SRSF3: variants seen among roughly 807,000 people sequenced by gnomAD.
The protein encoded by SRSF3 is serine and arginine rich splicing factor 3.
For missense variants in SRSF3, 58 were observed against 217.1 expected, an observed-to-expected ratio of 0.27 and a Z score of 4.61; for synonymous variants, 87 against 73.6, an observed-to-expected ratio of 1.18 and a Z score of -0.93.
chr6:36,602,278 CCT>C lies in SRSF3; in HGVS notation c.*292_*293del. On this transcript the variant is annotated 3_prime_UTR_variant, in exon 6 of 6. Coordinates refer to ENST00000373715, the MANE Select transcript of SRSF3 (RefSeq NM_003017.5). ...TAGTTATGCACAGACTGATAATAAA[CCT>C]CTAAACCTGCCCAGCGGAAGTGTGT... The C allele has an allele frequency of 2.5e-6, 1 of 400,776 alleles. No individual in the cohort carries two copies. The highest frequency in any genetic ancestry group is 4.3e-6 in the Non-Finnish European group (1 of 234,518). 24.8% of individuals were successfully genotyped at this position (400,776 alleles called of 1,614,324 possible).
chr6:36,604,046 A>G lies in SRSF3; in HGVS notation c.*2057A>G, dbSNP rs2127507500. 1 of 229,592 alleles carries G rather than the reference A, an allele frequency of 4.4e-6. No homozygotes were observed. The highest frequency in any genetic ancestry group is 6.3e-5 in the East Asian group (1 of 15,968). 14.2% of individuals were successfully genotyped at this position (229,592 alleles called of 1,614,324 possible). A position where few individuals can be genotyped will look rare whatever the true frequency, so the allele number is the denominator to read the frequency against. ...GCCCTAGCATAACCTCAAGACTCTT[A>G]GAAACTTTAGAACATGGAAATTGTT... On this transcript the variant is annotated 3_prime_UTR_variant, in exon 6 of 6. Transcript: ENST00000373715.
Position 36,601,723 on chromosome 6 carries a change from T to C in SRSF3, c.396T>C (p.Asp132=). 1.2e-6 allele frequency: 2 copies of C among 1,605,192 alleles called. No homozygotes were observed. The highest frequency in any genetic ancestry group is 1.7e-6 in the Non-Finnish European group (2 of 1,173,008). ...SRSRSRSLSR[D]RRRERSLSRE... is the part of the protein sequence containing the mutation. ...GCTTGTTTAGGTCCCTTTCTAGAGA[T>C]AGGAGAAGAGAGAGATCGCTGTCTC... The change falls in exon 5 of 6, where the codon GAT becomes GAC. Residue 132 remains aspartate (D), a synonymous_variant. Coordinates refer to ENST00000373715, the MANE Select transcript of SRSF3 (RefSeq NM_003017.5).
Position 36,602,323 on chromosome 6 carries a change from T to G in SRSF3, c.*334T>G. The G allele has an allele frequency of 3.3e-6, 1 of 301,166 alleles. No individual in the cohort carries two copies. The allele number at this position is 301,166 out of a possible 1,614,324, so 18.7% of individuals were successfully genotyped here. ...AAGTGTGTTTTTTTTTAAATTTAAA[T>G]ACAGAAACAACTGGCAAAAATTGAA... is the stretch of plus-strand genomic sequence containing the variant. On this transcript the variant is annotated 3_prime_UTR_variant, in exon 6 of 6. Transcript: ENST00000373715.
Position 36,601,690 on chromosome 6 carries a change from G to C in SRSF3, c.381-18G>C, listed in dbSNP as rs754180830. The C allele has an allele frequency of 2.5e-6, 4 of 1,581,620 alleles. No individual in the cohort carries two copies. Among genetic ancestry groups the C allele is most frequent in the Admixed American group, 3.4e-5 (2 of 59,210 alleles). ...TTTATCATACCTCATTGGTCCTAAT[G>C]TTTTTTTGCTTGTTTAGGTCCCTTT... On this transcript the variant is annotated intron_variant, in intron 4 of 5. Transcript: ENST00000373715.
chr6:36,600,057 TC>T, intron 3 of SRSF3: 1 of 1,225,856 alleles, frequency 8.2e-7, no homozygotes, highest in Non-Finnish European at 1.0e-6. Context: ...GCCCACACAT[TC>T]CTGGCCAATC....
chr6:36,603,765 G>C lies in SRSF3; in HGVS notation c.*1776G>C. 1 of 231,382 alleles carries C rather than the reference G, an allele frequency of 4.3e-6. No individual in the cohort carries two copies. The highest frequency in any genetic ancestry group is 8.6e-6 in the Non-Finnish European group (1 of 116,916). 14.3% of individuals were successfully genotyped at this position (231,382 alleles called of 1,614,324 possible). ...TTCCTGTTAGGAACAAGCCAAGATA[G>C]CTAAGAAGTTACGGAAGCCATGCAA... is the stretch of plus-strand genomic sequence containing the variant. On this transcript the variant is annotated 3_prime_UTR_variant, in exon 6 of 6. Coordinates refer to ENST00000373715, the MANE Select transcript of SRSF3 (RefSeq NM_003017.5).
chr6:36,602,075 T>A lies in SRSF3; in HGVS notation c.*86T>A. The stretch of plus-strand genomic sequence containing the variant: ...AGAAAATTCAAGTTTTGTTTGAGAC[T>A]TCATAAGCTTGGTGCATTTTTAAGA... On this transcript the variant is annotated 3_prime_UTR_variant, in exon 6 of 6. Transcript: ENST00000373715. The A allele has an allele frequency of 5.2e-6, 8 of 1,550,962 alleles. No individual in the cohort carries two copies. Among genetic ancestry groups the A allele is most frequent in the Non-Finnish European group, 6.9e-6 (8 of 1,156,624 alleles).
rs778276944 is a variant in SRSF3 at position 36,601,940 on chromosome 6, CTTTTTTTTTTTT to C, written c.468-14_468-3del. The C allele has an allele frequency of 1.4e-6, 2 of 1,432,078 alleles. No homozygotes were observed. Among genetic ancestry groups the C allele is most frequent in the Non-Finnish European group, 1.8e-6 (2 of 1,095,738 alleles). 88.7% of individuals were successfully genotyped at this position (1,432,078 alleles called of 1,614,324 possible). On this transcript the variant is annotated splice_polypyrimidine_tract_variant and intron_variant, in intron 5 of 5. Transcript: ENST00000373715. ...AGTTACAGATGTAATGTTTTGTTTT[CTTTTTTTTTTTT>C]TTTTTTTAGTCGATCTAGGTCAAAT...
At position 36,595,269 on chromosome 6, in the gene SRSF3, C is replaced by G. The variant is rs572358381; in HGVS notation, c.-3+788C>G. 3.3e-5 allele frequency among the ~76,000 whole-genome samples: 5 copies of G among 152,244 alleles called. No individual in the cohort carries two copies. The East Asian group carries it at 9.6e-4, about 29-fold the overall frequency. ...TCGTCGAAGTGACTCAGTAATAAAG[C>G]TTTATCAAATACAAGTCCGCCAAGG... is the stretch of plus-strand genomic sequence containing the variant. On this transcript the variant is annotated intron_variant, in intron 1 of 5. Transcript: ENST00000373715.
At chr6:36,597,773 C>G (rs546716539) in intron 2 of SRSF3, among the ~76,000 whole-genome samples, 27 of 149,748 alleles carry the variant, frequency 1.8e-4, no homozygotes, top group African/African-American at 6.4e-4. Context: ...AATTTAATGA[C>G]TGGTTGTATT....
At chr6:36,601,271 T>A in intron 4 of SRSF3, 81 bp downstream of exon 4, 1 of 1,417,426 alleles carries the variant, frequency 7.1e-7, no homozygotes, top group Non-Finnish European at 9.9e-7. Context: ...GTGGCTTAGT[T>A]AATGGGAATA....
rs1023491712 is a variant in SRSF3, at chr6:36,603,031, C to G, written c.*1042C>G. On this transcript the variant is annotated 3_prime_UTR_variant, in exon 6 of 6. Transcript: ENST00000373715. ...CTGAGAGGCACTATGGATTAGTCTT[C>G]TGAAGTGAAGGAAATATAGATGTCA... The G allele has an allele frequency of 1.8e-5, 4 of 219,996 alleles. No individual in the cohort carries two copies. The highest frequency in any genetic ancestry group is 3.6e-5 in the Non-Finnish European group (4 of 109,918). The allele number at this position is 219,996 out of a possible 1,614,324, so 13.6% of individuals were successfully genotyped here. A position where few individuals can be genotyped will look rare whatever the true frequency, so the allele number is the denominator to read the frequency against.
intron 3 of SRSF3, chr6:36,599,847 C>T: frequency 7.4e-7 from 1 of 1,352,142 alleles, no homozygotes; most frequent in Non-Finnish European, 9.8e-7. Context: ...CTTCTCACCA[C>T]CCTCTGAATC....
At chr6:36,598,220 C>T (rs573290126) in intron 2 of SRSF3, among the ~76,000 whole-genome samples, 1 of 152,314 alleles carries the variant, frequency 6.6e-6, no homozygotes, top group East Asian at 1.9e-4. Context: ...GATCTTCACA[C>T]TTAAATTGCA....
intron 1 of SRSF3, among the ~76,000 whole-genome samples, chr6:36,596,152 G>C (rs1196346341): frequency 6.6e-6 from 1 of 152,090 alleles, no homozygotes; most frequent in Admixed American, 6.5e-5. Context: ...TCGAACTCCT[G>C]ACCTCGTGAT....
intron 1 of SRSF3, among the ~76,000 whole-genome samples, chr6:36,596,095 T>G (rs1051701140): frequency 1.3e-5 from 2 of 152,128 alleles, no homozygotes; most frequent in African/African-American, 4.8e-5. Context: ...CGGCTAATTT[T>G]TGTATTTTTA....
At chr6:36,595,293 G>A (rs1778607420) in intron 1 of SRSF3, among the ~76,000 whole-genome samples, 1 of 152,062 alleles carries the variant, frequency 6.6e-6, no homozygotes, top group African/African-American at 2.4e-5. Flanking sequence ...AGTCCGCCAA[G>A]GAAGAACAAA....
chr6:36,603,957 TCAC>T lies in SRSF3; in HGVS notation c.*1971_*1973del, dbSNP rs1397436341. 1.3e-5 allele frequency: 3 copies of T among 230,544 alleles called. No homozygotes were observed. Among genetic ancestry groups the T allele is most frequent in the African/African-American group, 6.6e-5 (3 of 45,192 alleles). 14.3% of individuals were successfully genotyped at this position (230,544 alleles called of 1,614,324 possible). Reference sequence around the variant, plus strand: ...TACAGAACCTGAAATAAAAGTAACTTCACCAGGGAGTTATCCTGACTTAGGTGA... The same window carrying T: ...TACAGAACCTGAAATAAAAGTAACTTCAGGGAGTTATCCTGACTTAGGTGA... On this transcript the variant is annotated 3_prime_UTR_variant, in exon 6 of 6. Transcript: ENST00000373715.
intron 1 of SRSF3, among the ~76,000 whole-genome samples, 186 bp from the exon 2 acceptor site, chr6:36,596,575 G>C (rs1005491127): frequency 7.8e-5 from 1 of 12,866 alleles, no homozygotes; most frequent in Non-Finnish European, 2.5e-4. Flanking sequence ...GCGGGGTGGC[G>C]GGGGGGGGGA....
Sources: allele counts gnomAD v4.1 joint callset (sites outside exome capture counted in the v4.1 genomes callset), GRCh38; gene constraint gnomAD v4.1.1; transcripts MANE v1.5; gene names NCBI Gene and HGNC (gene_info 2026-07-23, HGNC 2026-07-21).